The following ADCY2 variants were observed in gnomAD, a reference collection of about 807,000 sequenced individuals.
The protein encoded by ADCY2 is adenylate cyclase 2.
ADCY2 carries 31 observed loss-of-function variants against 125.2 expected under a neutral mutation model. That is an observed-to-expected ratio of 0.25 (90% CI 0.19 to 0.33). The LOEUF (loss-of-function observed/expected upper bound fraction) is 0.33, where lower values mean the gene tolerates loss of function less well. ADCY2 is among the 10% of genes least tolerant of loss of function. ADCY2 has a pLI of 1.00. For missense variants in ADCY2, 904 were observed against 1,418.2 expected (o/e 0.64, Z 5.82); for synonymous variants, 512 against 548.4 (o/e 0.93, Z 0.93).
chr5:7,727,372 T>A, intron 14 of ADCY2, 111 bp downstream of exon 14: 2 of 866,698 alleles, frequency 2.3e-6, no homozygotes, highest in Non-Finnish European at 1.8e-6. Context: ...AGGGGTGATT[T>A]AATGTCATGG....
At chr5:7,652,301 A>G (rs772996353) in intron 4 of ADCY2, among the ~76,000 whole-genome samples, 1 of 152,182 alleles carries the variant, frequency 6.6e-6, no homozygotes, top group African/African-American at 2.4e-5. Flanking sequence ...TGAATCCTTT[A>G]TATTACAGGA....
intron 3 of ADCY2, among the ~76,000 whole-genome samples, chr5:7,563,416 T>C (rs1345212215): frequency 6.6e-6 from 1 of 152,202 alleles, no homozygotes; most frequent in East Asian, 1.9e-4. Flanking sequence ...TCTGTGAGCC[T>C]GGCAGGCTCT....
At chr5:7,524,454 G>A (rs1734374538) in intron 3 of ADCY2, among the ~76,000 whole-genome samples, 1 of 151,800 alleles carries the variant, frequency 6.6e-6, no homozygotes, top group Non-Finnish European at 1.5e-5. Context: ...CCCGGACCCT[G>A]TTCAAGTTCC....
At chr5:7,763,126 T>C (rs547095605) in intron 16 of ADCY2, among the ~76,000 whole-genome samples, 11 of 151,904 alleles carry the variant, frequency 7.2e-5, no homozygotes, top group Non-Finnish European at 1.3e-4. Flanking sequence ...CGGAGTCTCG[T>C]TCTGTCGCCC....
intron 4 of ADCY2, among the ~76,000 whole-genome samples, chr5:7,661,646 C>T (rs781412987): frequency 6.6e-6 from 1 of 152,230 alleles, no homozygotes; most frequent in Non-Finnish European, 1.5e-5. Flanking sequence ...ACGATATTCA[C>T]TTCTCAATCC....
At chr5:7,591,934 T>C (rs1319925752) in intron 3 of ADCY2, among the ~76,000 whole-genome samples, 1 of 152,242 alleles carries the variant, frequency 6.6e-6, no homozygotes, top group Non-Finnish European at 1.5e-5. Flanking sequence ...TTTTTCAATC[T>C]TCTTATCCAT....
intron 2 of ADCY2, among the ~76,000 whole-genome samples, chr5:7,505,059 G>A (rs1457640315): frequency 6.6e-6 from 1 of 151,484 alleles, no homozygotes; most frequent in South Asian, 2.1e-4. Context: ...AATTTTTGTG[G>A]TTTTTGTAGA....
chr5:7,693,482 A>G (rs191212233), intron 5 of ADCY2, among the ~76,000 whole-genome samples: 1 of 139,828 alleles, frequency 7.2e-6, no homozygotes. Flanking sequence ...GCAATGGTGC[A>G]ATCTCGGCTC....
chr5:7,818,951 C>T (rs1745209010), intron 23 of ADCY2, among the ~76,000 whole-genome samples: 1 of 152,120 alleles, frequency 6.6e-6, no homozygotes, highest in Admixed American at 6.5e-5. Context: ...TATTAACTCA[C>T]ACAATCACAA....
chr5:7,495,432 A>G (rs1157227020), intron 2 of ADCY2, among the ~76,000 whole-genome samples: 3 of 152,262 alleles, frequency 2.0e-5, no homozygotes, highest in Non-Finnish European at 4.4e-5. Flanking sequence ...AATTAATGCT[A>G]TAAGCATAAA....
intron 4 of ADCY2, among the ~76,000 whole-genome samples, chr5:7,675,496 C>G (rs1448697373): frequency 1.3e-5 from 2 of 152,266 alleles, no homozygotes; most frequent in East Asian, 3.9e-4. Context: ...TATGTGCCAT[C>G]CTAATTCAGA....
intron 7 of ADCY2, among the ~76,000 whole-genome samples, chr5:7,704,608 G>A (rs142749788): frequency 7.9e-5 from 12 of 152,182 alleles, no homozygotes; most frequent in South Asian, 6.2e-4. Flanking sequence ...GGCCGGGCGC[G>A]GTGGGTCACA....
intron 1 of ADCY2, among the ~76,000 whole-genome samples, chr5:7,413,432 C>T (rs997739549): frequency 4.6e-5 from 7 of 152,036 alleles, no homozygotes; most frequent in East Asian, 3.9e-4. Context: ...TAGCTGGGAC[C>T]ACAGGCGCCT....
chr5:7,650,498 T>C (rs1241265602), intron 4 of ADCY2, among the ~76,000 whole-genome samples: 4 of 152,014 alleles, frequency 2.6e-5, no homozygotes, highest in Admixed American at 2.6e-4. Context: ...ACTATATAAG[T>C]GGAATGTAGA....
At chr5:7,458,974 C>CT (rs1741811307) in intron 2 of ADCY2, among the ~76,000 whole-genome samples, 1 of 152,158 alleles carries the variant, frequency 6.6e-6, no homozygotes, top group Non-Finnish European at 1.5e-5. Flanking sequence ...CACAATTATG[C>CT]TGTACAACCA....
Position 7,650,628 on chromosome 5 carries a change from C to T in ADCY2, c.720+24312C>T, listed in dbSNP as rs146870274. On this transcript the variant is annotated intron_variant, in intron 4 of 24. Coordinates refer to ENST00000338316, the MANE Select transcript of ADCY2 (RefSeq NM_020546.3). ...CTTTCCTTTCTATGTTCTTGCCCCC[C>T]GGACAGTGGCTTGCGATTTCTGTAT... Among the ~76,000 whole-genome samples the T allele has an allele frequency of 3.7e-3, 565 of 152,234 alleles. 4 individuals carry two copies. The highest frequency in any genetic ancestry group is 0.013 in the African/African-American group (541 of 41,540).
intron 2 of ADCY2, among the ~76,000 whole-genome samples, chr5:7,489,970 G>T (rs947247955): frequency 1.3e-5 from 2 of 152,022 alleles, no homozygotes; most frequent in Admixed American, 1.3e-4. Flanking sequence ...CCTGATTTTT[G>T]TGCTTTTTGG....
At chr5:7,509,828 A>AT (rs1404529338) in intron 2 of ADCY2, among the ~76,000 whole-genome samples, 1 of 152,244 alleles carries the variant, frequency 6.6e-6, no homozygotes, top group Non-Finnish European at 1.5e-5. Context: ...CTGAGCTTTT[A>AT]TTTTTAATTA....
At chr5:7,607,508 C>T (rs947509699) in intron 3 of ADCY2, among the ~76,000 whole-genome samples, 1 of 152,182 alleles carries the variant, frequency 6.6e-6, no homozygotes, top group Non-Finnish European at 1.5e-5. Flanking sequence ...CCAAGTGATT[C>T]CACTGCACAG....
Sources: allele counts gnomAD v4.1 joint callset (sites outside exome capture counted in the v4.1 genomes callset), GRCh38; gene constraint gnomAD v4.1.1; transcripts MANE v1.5; gene names NCBI Gene and HGNC (gene_info 2026-07-23, HGNC 2026-07-21).